TRIM33: variants seen among roughly 807,000 people sequenced by gnomAD.
TRIM33 encodes the protein tripartite motif containing 33.
In TRIM33, 20 loss-of-function variants were observed where a neutral mutation model predicts 125.4. The observed-to-expected ratio is 0.16, with a 90% CI of 0.11 to 0.23. TRIM33 has a LOEUF of 0.23. Ranked by LOEUF, TRIM33 falls within the 10% of genes least tolerant of loss-of-function variation. The pLI is 1.00. For missense variants in TRIM33, 920 were observed against 1,411.4 expected (o/e 0.65, Z 5.58); for synonymous variants, 564 against 513.9 (o/e 1.10, Z -1.32).
chr1:114,486,319 A>C (rs1218169401), intron 1 of TRIM33, among the ~76,000 whole-genome samples: 2 of 151,830 alleles, frequency 1.3e-5, no homozygotes, highest in Non-Finnish European at 2.9e-5. Flanking sequence ...GAAAATAGAA[A>C]AGAAATGAAA....
chr1:114,475,018 A>G (rs1650891191), intron 1 of TRIM33, among the ~76,000 whole-genome samples: 1 of 152,198 alleles, frequency 6.6e-6, no homozygotes, highest in South Asian at 2.1e-4. Context: ...TCTCAGGAAG[A>G]TATAGTTATA....
chr1:114,413,026 A>G (rs1652688964), intron 11 of TRIM33, among the ~76,000 whole-genome samples: 1 of 152,258 alleles, frequency 6.6e-6, no homozygotes, highest in Admixed American at 6.5e-5. Flanking sequence ...GTTAATGTTA[A>G]GTCTATTTAA....
intron 1 of TRIM33, among the ~76,000 whole-genome samples, chr1:114,505,954 G>A (rs1016040301): frequency 1.3e-5 from 2 of 152,180 alleles, no homozygotes; most frequent in Admixed American, 6.5e-5. Context: ...GACATTAAAC[G>A]TATGTACATA....
At chr1:114,450,698 T>C (rs529163566) in intron 4 of TRIM33, among the ~76,000 whole-genome samples, 1 of 152,248 alleles carries the variant, frequency 6.6e-6, no homozygotes, top group Non-Finnish European at 1.5e-5. Context: ...TGGCCTAACG[T>C]TCCTATTTTG....
chr1:114,451,151 A>G (rs181720130), intron 4 of TRIM33, among the ~76,000 whole-genome samples: 96 of 152,262 alleles, frequency 6.3e-4, no homozygotes, highest in Non-Finnish European at 7.8e-4. Context: ...CTTCCTCCCC[A>G]TGTGGACCTA....
chr1:114,405,205 T>G (rs962729616), intron 15 of TRIM33: 7 of 499,886 alleles, frequency 1.4e-5, no homozygotes, highest in Non-Finnish European at 2.4e-5. Flanking sequence ...GGAGATGAAA[T>G]CTACTCTTTA....
At chr1:114,413,009 T>C (rs1230580801) in intron 11 of TRIM33, among the ~76,000 whole-genome samples, 1 of 152,228 alleles carries the variant, frequency 6.6e-6, no homozygotes, top group Non-Finnish European at 1.5e-5. Flanking sequence ...CACCAATACT[T>C]GCTATGGTTA....
chr1:114,409,156 T>C (rs1291439900), intron 12 of TRIM33, among the ~76,000 whole-genome samples: 1 of 152,230 alleles, frequency 6.6e-6, no homozygotes, highest in African/African-American at 2.4e-5. Context: ...TACATGTGAA[T>C]TGTTCTTCCT....
At chr1:114,494,429 T>C (rs992556912) in intron 1 of TRIM33, among the ~76,000 whole-genome samples, 1 of 152,198 alleles carries the variant, frequency 6.6e-6, no homozygotes, top group Non-Finnish European at 1.5e-5. Flanking sequence ...GGCTTCTCAA[T>C]ATCCAGCTTC....
intron 11 of TRIM33, among the ~76,000 whole-genome samples, chr1:114,420,712 T>C (rs1387045258): frequency 6.6e-6 from 1 of 152,230 alleles, no homozygotes; most frequent in East Asian, 1.9e-4. Context: ...CTCTGATCTA[T>C]GTTATAGAAA....
At chr1:114,444,361 C>T (rs887559936) in intron 4 of TRIM33, among the ~76,000 whole-genome samples, 9 of 152,202 alleles carry the variant, frequency 5.9e-5, no homozygotes, top group African/African-American at 1.4e-4. Context: ...AAAGTTGACA[C>T]TGGAAGAGAA....
chr1:114,469,728 G>A (rs185000091), intron 1 of TRIM33, among the ~76,000 whole-genome samples: 2 of 152,300 alleles, frequency 1.3e-5, no homozygotes, highest in African/African-American at 4.8e-5. Context: ...ACAGACATTA[G>A]CATGAGCGTG....
At chr1:114,406,817 G>A (rs1316678922) in intron 14 of TRIM33, 124 bp downstream of exon 14, 16 of 920,040 alleles carry the variant, frequency 1.7e-5, no homozygotes, top group Non-Finnish European at 2.4e-5. Context: ...TCTGGCTTGT[G>A]CCAGGCATGA....
At chr1:114,401,237 C>CGTG in intron 17 of TRIM33, 152 bp downstream of exon 17, 1 of 400,072 alleles carries the variant, frequency 2.5e-6, no homozygotes, top group African/African-American at 2.1e-5. Context: ...GGGGTTTCAC[C>CGTG]GTGGTCTCTA....
chr1:114,505,389 C>T (rs1652936348), intron 1 of TRIM33, among the ~76,000 whole-genome samples: 1 of 152,082 alleles, frequency 6.6e-6, no homozygotes, highest in Non-Finnish European at 1.5e-5. Flanking sequence ...ATACACACTC[C>T]AGGGACAAGA....
intron 1 of TRIM33, among the ~76,000 whole-genome samples, chr1:114,481,633 A>T (rs1282166356): frequency 7.0e-6 from 1 of 143,834 alleles, no homozygotes; most frequent in Non-Finnish European, 1.5e-5. Flanking sequence ...AAAAAACTAT[A>T]TATATATGTG....
intron 4 of TRIM33, among the ~76,000 whole-genome samples, chr1:114,436,621 T>C (rs2101215807): frequency 6.6e-6 from 1 of 151,944 alleles, no homozygotes; most frequent in East Asian, 2.0e-4. Flanking sequence ...TACACCACCA[T>C]GCCTGGCTAA....
chr1:114,409,628 T>C (rs977068826), intron 12 of TRIM33, among the ~76,000 whole-genome samples: 2 of 152,174 alleles, frequency 1.3e-5, no homozygotes, highest in African/African-American at 4.8e-5. Context: ...TATATATTAA[T>C]ATGGCTTCAG....
In TRIM33 at chr1:114,470,239, G is replaced by T. The variant is rs114005212; in HGVS notation, c.527-5851C>A. On this transcript the variant is annotated intron_variant, in intron 1 of 19. Transcript: ENST00000358465. ...AGATGCTGAGCTTTTATAAATTGAA[G>T]GTTTGTGGCAACCCTGCATTAACCA... is the stretch of plus-strand genomic sequence containing the variant. Among the ~76,000 whole-genome samples, 672 of 152,236 alleles carry T rather than the reference G, an allele frequency of 4.4e-3. 1 individual carries two copies. The highest frequency in any genetic ancestry group is 7.4e-3 in the Non-Finnish European group (502 of 68,024).
Sources: gnomAD v4.1 joint callset for allele counts (sites outside exome capture counted in the v4.1 genomes callset) on GRCh38, gnomAD v4.1.1 for gene constraint, MANE v1.5 for transcripts, NCBI Gene and HGNC (gene_info 2026-07-23, HGNC 2026-07-21) for gene names.